IL1RAPL1: variants seen among roughly 807,000 people sequenced by gnomAD.
IL1RAPL1 encodes the protein interleukin-1 receptor accessory protein-like 1.
Under a neutral mutation model 48.4 loss-of-function variants are expected in IL1RAPL1, and 3 were observed. The ratio of observed to expected loss-of-function variants is 0.06; its 90% CI spans 0.03 to 0.16. The LOEUF (loss-of-function observed/expected upper bound fraction) is 0.16. Ranked by LOEUF, IL1RAPL1 falls within the 10% of genes least tolerant of loss-of-function variation. The pLI is 1.00. For missense variants in IL1RAPL1, 349 were observed against 530.6 expected, an observed-to-expected ratio of 0.66 and a Z score of 3.36; for synonymous variants, 185 against 187.7, an observed-to-expected ratio of 0.99 and a Z score of 0.12.
At position 29,002,355 on chromosome X, in the gene IL1RAPL1, G is replaced by T. The variant is rs188923652; in HGVS notation, c.82+212930G>T. Among the ~76,000 whole-genome samples the T allele has an allele frequency of 6.7e-3, 749 of 111,074 alleles. 7 individuals carry two copies. Among genetic ancestry groups the T allele is most frequent in the African/African-American group, 0.022 (687 of 30,621 alleles). The stretch of plus-strand genomic sequence containing the variant: ...TATAAAGTTCAAATCTGTGAGATTA[G>T]AAATCAAGGTGGTAATTACTGCTGG... On this transcript the variant is annotated intron_variant, in intron 2 of 10. Coordinates refer to ENST00000378993, the MANE Select transcript of IL1RAPL1 (RefSeq NM_014271.4).
chrX:29,687,879 A>G (rs1417659341), intron 6 of IL1RAPL1, among the ~76,000 whole-genome samples: 2 of 111,564 alleles, frequency 1.8e-5, no homozygotes, highest in African/African-American at 6.5e-5. Context: ...TTTGCTCTCC[A>G]TGTGAGGGAG....
chrX:29,107,354 T>G (rs769583509), intron 2 of IL1RAPL1, among the ~76,000 whole-genome samples: 4 of 112,404 alleles, frequency 3.6e-5, no homozygotes, highest in African/African-American at 6.5e-5. Context: ...CTTTTCAAAT[T>G]GGAATGTTCT....
At chrX:29,642,557 T>A (rs1030693153) in intron 5 of IL1RAPL1, among the ~76,000 whole-genome samples, 2 of 112,569 alleles carry the variant, frequency 1.8e-5, no homozygotes, top group Non-Finnish European at 3.7e-5. Flanking sequence ...TTCCAGAGAA[T>A]AAGCCACTTG....
intron 5 of IL1RAPL1, among the ~76,000 whole-genome samples, chrX:29,657,321 C>T (rs1003545829): frequency 5.4e-5 from 6 of 111,574 alleles, no homozygotes; most frequent in African/African-American, 1.3e-4. Flanking sequence ...TCTTTAGCAG[C>T]GTCCATTGTC....
chrX:28,678,318 T>A (rs897496923), intron 1 of IL1RAPL1, among the ~76,000 whole-genome samples: 11 of 111,076 alleles, frequency 9.9e-5, no homozygotes, highest in African/African-American at 3.3e-4. Context: ...CTGTAATTCC[T>A]CCTAAGCAGG....
chrX:28,875,288 T>C (rs1362206374), intron 2 of IL1RAPL1, among the ~76,000 whole-genome samples: 3 of 111,872 alleles, frequency 2.7e-5, no homozygotes, highest in Non-Finnish European at 3.8e-5. Context: ...AGTTAAAGAA[T>C]AGGCACAGCA....
chrX:29,478,592 A>G (rs1935003127), intron 5 of IL1RAPL1, among the ~76,000 whole-genome samples: 1 of 110,928 alleles, frequency 9.0e-6, no homozygotes, highest in South Asian at 3.9e-4. Flanking sequence ...AAAAGTAAAT[A>G]TAGAGTCCTT....
chrX:28,801,556 A>G (rs770902758), intron 2 of IL1RAPL1, among the ~76,000 whole-genome samples: 2 of 111,951 alleles, frequency 1.8e-5, no homozygotes, highest in African/African-American at 3.2e-5. Flanking sequence ...CAGACAGCTA[A>G]TATTTACACT....
At chrX:29,318,853 A>T (rs1308370160) in intron 3 of IL1RAPL1, among the ~76,000 whole-genome samples, 1 of 111,953 alleles carries the variant, frequency 8.9e-6, no homozygotes, top group East Asian at 2.8e-4. Context: ...CATGTTCAAG[A>T]ATTTTCTCAC....
intron 5 of IL1RAPL1, among the ~76,000 whole-genome samples, chrX:29,514,200 A>T (rs970565319): frequency 1.2e-4 from 13 of 111,767 alleles, no homozygotes; most frequent in African/African-American, 3.9e-4. Flanking sequence ...TATGTAAGAG[A>T]ATTATGAAAG....
intron 2 of IL1RAPL1, among the ~76,000 whole-genome samples, chrX:29,173,668 C>T (rs1019058973): frequency 2.6e-4 from 29 of 111,419 alleles, no homozygotes; most frequent in African/African-American, 9.5e-4. Flanking sequence ...AGAGATATCC[C>T]GCAAATTCAG....
chrX:29,005,130 AG>A, intron 2 of IL1RAPL1, among the ~76,000 whole-genome samples: 1 of 112,563 alleles, frequency 8.9e-6, no homozygotes, highest in Middle Eastern at 4.6e-3. Context: ...AATTATGACT[AG>A]CATGCAGTTA....
chrX:28,871,104 C>A (rs1162083044), intron 2 of IL1RAPL1, among the ~76,000 whole-genome samples: 1 of 111,883 alleles, frequency 8.9e-6, no homozygotes, highest in African/African-American at 3.2e-5. Flanking sequence ...CGGAGTTTAT[C>A]CTTCATTACA....
At chrX:29,750,002 T>C (rs7876313) in intron 6 of IL1RAPL1, among the ~76,000 whole-genome samples, 16,828 of 111,146 alleles carry the variant, frequency 0.15, 1,292 homozygotes, top group African/African-American at 0.29. Context: ...CTTGGTTTAG[T>C]TTTCTGGTAA....
intron 2 of IL1RAPL1, among the ~76,000 whole-genome samples, chrX:29,090,177 A>C (rs1038002389): frequency 3.6e-5 from 4 of 110,984 alleles, no homozygotes; most frequent in African/African-American, 1.3e-4. Flanking sequence ...AATAACTCCT[A>C]TTTATCAGTA....
At chrX:28,612,167 C>T (rs1390360111) in intron 1 of IL1RAPL1, among the ~76,000 whole-genome samples, 2 of 111,613 alleles carry the variant, frequency 1.8e-5, no homozygotes, top group Non-Finnish European at 3.8e-5. Context: ...TATGACCCGC[C>T]ACTCTGCTGT....
intron 1 of IL1RAPL1, among the ~76,000 whole-genome samples, chrX:28,738,125 C>A (rs987078831): frequency 1.8e-5 from 2 of 110,948 alleles, no homozygotes; most frequent in African/African-American, 6.6e-5. Context: ...ATATACATTT[C>A]TTTGCATGTT....
intron 1 of IL1RAPL1, among the ~76,000 whole-genome samples, chrX:28,760,213 G>A (rs1186301377): frequency 9.0e-6 from 1 of 111,164 alleles, no homozygotes; most frequent in East Asian, 2.8e-4. Flanking sequence ...TTGTTTATAT[G>A]CTATTAGTGC....
chrX:28,845,848 AC>A (rs202045432), intron 2 of IL1RAPL1, among the ~76,000 whole-genome samples: 2,530 of 111,733 alleles, frequency 0.023, 75 homozygotes, highest in African/African-American at 0.078. Context: ...TACACCCTCT[AC>A]CCCTACATAT....
Sources: allele counts gnomAD v4.1 joint callset (sites outside exome capture counted in the v4.1 genomes callset), GRCh38; gene constraint gnomAD v4.1.1; transcripts MANE v1.5; gene names NCBI Gene and HGNC (gene_info 2026-07-23, HGNC 2026-07-21).